The following FNDC3B variants were observed in gnomAD, a reference collection of about 807,000 sequenced individuals.
FNDC3B encodes fibronectin type III domain containing 3B.
FNDC3B carries 12 observed loss-of-function variants against 151.5 expected under a neutral mutation model. That is an observed-to-expected ratio of 0.08 (90% confidence interval 0.05 to 0.13). The LOEUF (loss-of-function observed/expected upper bound fraction) is 0.13, where lower values mean the gene tolerates loss of function less well. Among genes scored for constraint, FNDC3B ranks in the 10% least tolerant of loss-of-function variants. The pLI, the probability that FNDC3B is intolerant of heterozygous loss-of-function variation, is 1.00. For missense variants in FNDC3B, 1,214 were observed against 1,505.3 expected (o/e 0.81, Z 3.20); for synonymous variants, 528 against 549.0 (o/e 0.96, Z 0.54).
Position 172,274,320 on chromosome 3 carries a change from A to C in FNDC3B, c.791-11606A>C, listed in dbSNP as rs2108807879. 1.3e-5 allele frequency among the ~76,000 whole-genome samples: 2 copies of C among 152,260 alleles called. 1 individual carries two copies. Among genetic ancestry groups the C allele is most frequent in the South Asian group, 4.2e-4 (2 of 4,818 alleles). On this transcript the variant is annotated intron_variant, in intron 6 of 25. Transcript: ENST00000415807. ...GTAGTCTAGCAGTCTCTTCCAGCGG[A>C]TAGATTTGTTTATCTTAAGTAGAGT...
chr3:172,293,227 G>C (rs948396850), intron 7 of FNDC3B, among the ~76,000 whole-genome samples: 10 of 152,274 alleles, frequency 6.6e-5, no homozygotes, highest in Admixed American at 1.3e-4. Flanking sequence ...TAAAACCAAG[G>C]AAGTAGGAGA....
chr3:172,292,045 A>C (rs1730368155), intron 7 of FNDC3B, among the ~76,000 whole-genome samples: 1 of 152,200 alleles, frequency 6.6e-6, no homozygotes, highest in African/African-American at 2.4e-5. Context: ...ACAGCATGTC[A>C]GTTTCTGGAA....
At chr3:172,059,002 GC>G (rs1240207894) in intron 1 of FNDC3B, among the ~76,000 whole-genome samples, 1 of 152,112 alleles carries the variant, frequency 6.6e-6, no homozygotes, top group Non-Finnish European at 1.5e-5. Context: ...TTTGCCTAGA[GC>G]AGTGACCATT....
chr3:172,223,142 C>T (rs1475255576), intron 3 of FNDC3B, among the ~76,000 whole-genome samples: 1 of 152,160 alleles, frequency 6.6e-6, no homozygotes, highest in African/African-American at 2.4e-5. Flanking sequence ...GGAAAGATTA[C>T]AATAATATTG....
chr3:172,299,720 C>T (rs1275449796), intron 9 of FNDC3B, among the ~76,000 whole-genome samples: 1 of 151,746 alleles, frequency 6.6e-6, no homozygotes, highest in African/African-American at 2.4e-5. Flanking sequence ...GGTTAATTTA[C>T]ATCATGAGTT....
At chr3:172,306,589 G>C (rs1218757232) in intron 9 of FNDC3B, among the ~76,000 whole-genome samples, 1 of 152,146 alleles carries the variant, frequency 6.6e-6, no homozygotes, top group African/African-American at 2.4e-5. Context: ...TGGAATAGTA[G>C]GAAGATGATA....
chr3:172,295,912 C>T (rs1339013913), intron 8 of FNDC3B, among the ~76,000 whole-genome samples: 1 of 152,148 alleles, frequency 6.6e-6, no homozygotes, highest in East Asian at 1.9e-4. Flanking sequence ...CAATATGTTT[C>T]CTTCTGTTTT....
intron 5 of FNDC3B, among the ~76,000 whole-genome samples, chr3:172,248,649 ATGTT>A (rs1445863787): frequency 1.2e-4 from 18 of 150,246 alleles, no homozygotes; most frequent in African/African-American, 3.6e-4. Flanking sequence ...ATACCATAGA[ATGTT>A]TGAGCAAGTT....
intron 23 of FNDC3B, among the ~76,000 whole-genome samples, chr3:172,374,758 CTGAT>C (rs1456450915): frequency 6.6e-6 from 1 of 152,156 alleles, no homozygotes; most frequent in Non-Finnish European, 1.5e-5. Flanking sequence ...CATCATTTCA[CTGAT>C]TGTACAGATG....
At chr3:172,113,503 T>C (rs541801052) in intron 2 of FNDC3B, among the ~76,000 whole-genome samples, 1 of 152,338 alleles carries the variant, frequency 6.6e-6, no homozygotes, top group African/African-American at 2.4e-5. Context: ...ATTTATATTA[T>C]TTTCTCCTGC....
chr3:172,328,881 T>C, intron 11 of FNDC3B, 71 bp from the exon 12 acceptor site: 1 of 1,239,608 alleles, frequency 8.1e-7, no homozygotes, highest in Non-Finnish European at 1.1e-6. Context: ...AAGATGCTCC[T>C]TCATTTATTT....
At chr3:172,382,461 C>T (rs1369168105) in intron 25 of FNDC3B, among the ~76,000 whole-genome samples, 1 of 152,140 alleles carries the variant, frequency 6.6e-6, no homozygotes, top group Non-Finnish European at 1.5e-5. Flanking sequence ...TGCAGAAGCT[C>T]TTTAGTTTAA....
At chr3:172,286,035 A>G in intron 7 of FNDC3B, 51 bp downstream of exon 7, 1 of 1,441,246 alleles carries the variant, frequency 6.9e-7, no homozygotes, top group East Asian at 2.3e-5. Context: ...AAGTATTTCA[A>G]ATGTGCTTTT....
At chr3:172,086,809 T>G (rs183405759) in intron 1 of FNDC3B, among the ~76,000 whole-genome samples, 104 of 152,366 alleles carry the variant, frequency 6.8e-4, no homozygotes, top group East Asian at 1.3e-3. Context: ...AAAAGTTCTT[T>G]GAAGTGTAGT....
At chr3:172,380,234 G>T (rs1469205231) in intron 24 of FNDC3B, among the ~76,000 whole-genome samples, 1 of 151,948 alleles carries the variant, frequency 6.6e-6, no homozygotes. Flanking sequence ...ATAGGAAAAT[G>T]TCCTATTGAA....
intron 1 of FNDC3B, among the ~76,000 whole-genome samples, chr3:172,107,299 T>G (rs998873295): frequency 6.6e-6 from 1 of 152,180 alleles, no homozygotes; most frequent in African/African-American, 2.4e-5. Flanking sequence ...AGAGAAACCC[T>G]GGTGCTCTGT....
At chr3:172,118,625 T>G (rs1720378814) in intron 2 of FNDC3B, among the ~76,000 whole-genome samples, 1 of 152,234 alleles carries the variant, frequency 6.6e-6, no homozygotes, top group Non-Finnish European at 1.5e-5. Context: ...TGTTATGGGC[T>G]GGGACTTGAG....
chr3:172,151,805 G>A (rs1722237644), intron 3 of FNDC3B, among the ~76,000 whole-genome samples: 1 of 152,160 alleles, frequency 6.6e-6, no homozygotes, highest in Non-Finnish European at 1.5e-5. Context: ...TGTTTCCTTC[G>A]ATGTGGATTT....
chr3:172,394,106 TAAAAAAAAAAAA>T lies in FNDC3B; in HGVS notation c.3304-3039_3304-3028del, dbSNP rs60559371. The stretch of plus-strand genomic sequence containing the variant: ...CTGGGTGACAGAGTGAGACTCCTTC[TAAAAAAAAAAAA>T]AAAAAAAAAAAAAAAAAATGGATAC... On this transcript the variant is annotated intron_variant, in intron 25 of 25. Coordinates refer to ENST00000415807, the MANE Select transcript of FNDC3B (RefSeq NM_022763.4). 2.6e-3 allele frequency among the ~76,000 whole-genome samples: 44 copies of T among 16,656 alleles called. 1 individual carries two copies. Among genetic ancestry groups the T allele is most frequent in the Non-Finnish European group, 3.3e-3 (29 of 8,878 alleles). 10.9% of individuals were successfully genotyped at this position (16,656 alleles called of 152,430 possible). A position where few individuals can be genotyped will look rare whatever the true frequency, so the allele number is the denominator to read the frequency against.
Sources: gnomAD v4.1 joint callset for allele counts (sites outside exome capture counted in the v4.1 genomes callset) on GRCh38, gnomAD v4.1.1 for gene constraint, MANE v1.5 for transcripts, NCBI Gene and HGNC (gene_info 2026-07-23, HGNC 2026-07-21) for gene names.